Variants in MAP3K3 observed in about 807,000 individuals in gnomAD.
MAP3K3 encodes the protein MAP/ERK kinase kinase 3.
MAP3K3 carries 12 observed loss-of-function variants against 80.9 expected under a neutral mutation model. That is an observed-to-expected ratio of 0.15 (90% CI 0.10 to 0.24). The LOEUF is 0.24. MAP3K3 is among the 10% of genes least tolerant of loss of function. MAP3K3 has a pLI of 1.00. For missense variants in MAP3K3, 596 were observed against 834.7 expected (o/e 0.71, Z 3.52); for synonymous variants, 272 against 307.1 (o/e 0.89, Z 1.19).
At chr17:63,666,755 T>C (rs940136736) in intron 5 of MAP3K3, among the ~76,000 whole-genome samples, 185 bp from the exon 6 acceptor site, 4 of 152,172 alleles carry the variant, frequency 2.6e-5, no homozygotes, top group African/African-American at 9.7e-5. Flanking sequence ...TAAAACTACA[T>C]TGAGCGAATA....
chr17:63,652,134 C>T (rs912925716), intron 3 of MAP3K3, among the ~76,000 whole-genome samples: 1 of 152,126 alleles, frequency 6.6e-6, no homozygotes, highest in East Asian at 1.9e-4. Context: ...AATCCATCAC[C>T]TATATATTAA....
In MAP3K3 at chr17:63,689,851, A is replaced by T; in HGVS notation, c.1063+116A>T. The T allele has an allele frequency of 1.1e-6, 1 of 938,774 alleles. No individual in the cohort carries two copies. The highest frequency in any genetic ancestry group is 1.6e-6 in the Non-Finnish European group (1 of 632,758). The allele number at this position is 938,774 out of a possible 1,614,324, so 58.2% of individuals were successfully genotyped here. ...CTCAGCAGGTGGTGGCTTTGGCCCA[A>T]ATGCACCACATGGGATAAGCCTTGG... On this transcript the variant is annotated intron_variant, in intron 11 of 15. Transcript: ENST00000361733. This position sits in a 1 kb window ranked among gnomAD's most constrained non-coding sequence, Gnocchi z 4.3.
intron 5 of MAP3K3, among the ~76,000 whole-genome samples, chr17:63,661,293 C>T (rs556178192): frequency 5.5e-4 from 84 of 152,294 alleles, no homozygotes; most frequent in Non-Finnish European, 1.0e-3. Flanking sequence ...GTGATCCGCA[C>T]GCCTCAGCTT....
At chr17:63,644,825 G>A (rs1001863752) in intron 2 of MAP3K3, among the ~76,000 whole-genome samples, 9 of 152,240 alleles carry the variant, frequency 5.9e-5, no homozygotes, top group African/African-American at 2.2e-4. Context: ...CCAAGCCACA[G>A]CCTATTAATT....
At position 63,628,722 on chromosome 17, in the gene MAP3K3, G is replaced by A. The variant is rs7212363; in HGVS notation, c.5-3959G>A. Among the ~76,000 whole-genome samples, 379 of 152,136 alleles carry A rather than the reference G, an allele frequency of 2.5e-3. 2 individuals carry two copies. The highest frequency in any genetic ancestry group is 0.01 in the Middle Eastern group (3 of 294). On this transcript the variant is annotated intron_variant, in intron 1 of 15. Transcript: ENST00000361733. ...TGTTGTTTATCTTTTTATCCCTAGA[G>A]TTTGAACACCTTGAAATATCTTTTA...
At position 63,689,218 on chromosome 17, in the gene MAP3K3, T is replaced by C. The variant is rs1229434351; in HGVS notation, c.872-326T>C. ...GTAGGATACAAGGAAATCAGTGCCT[T>C]CGGGTGTGGCTTGGCCTTGCAAGCA... On this transcript the variant is annotated intron_variant, in intron 10 of 15. Transcript: ENST00000361733. This position sits in a 1 kb window ranked among gnomAD's most constrained non-coding sequence, Gnocchi z 4.3. 2 of 528,238 alleles carry C rather than the reference T, an allele frequency of 3.8e-6. No homozygotes were observed. The highest frequency in any genetic ancestry group is 3.4e-6 in the Non-Finnish European group (1 of 296,022). The allele number at this position is 528,238 out of a possible 1,614,324, so 32.7% of individuals were successfully genotyped here. A position where few individuals can be genotyped will look rare whatever the true frequency, so the allele number is the denominator to read the frequency against.
At chr17:63,667,098 A>G in intron 6 of MAP3K3, 38 bp downstream of exon 6, 2 of 1,545,182 alleles carry the variant, frequency 1.3e-6, no homozygotes, top group Non-Finnish European at 1.7e-6. Flanking sequence ...CCTCTATTTT[A>G]TCTGCCCACA....
Position 63,681,816 on chromosome 17 carries a change from C to G in MAP3K3, c.553C>G (p.Arg185Gly). Residue 185 changes from arginine (R) to glycine (G), a missense_variant, in exon 7 of 16, where the codon CGG (arginine) becomes GGG (glycine). Coordinates refer to ENST00000361733, the MANE Select transcript of MAP3K3 (RefSeq NM_002401.5). The part of the protein sequence containing the change: ...SSPPPGYVPE[R>G]QQHIARQGSY... ...ACCTCCCCCTGGCTATGTTCCTGAG[C>G]GGCAGCAGCACATTGCCCGGCAGGG... 1 of 1,548,072 alleles carries G rather than the reference C, an allele frequency of 6.5e-7. No individual in the cohort carries two copies. The highest frequency in any genetic ancestry group is 8.7e-7 in the Non-Finnish European group (1 of 1,143,252).
At chr17:63,661,306 C>T (rs1012485178) in intron 5 of MAP3K3, among the ~76,000 whole-genome samples, 11 of 152,220 alleles carry the variant, frequency 7.2e-5, no homozygotes, top group Non-Finnish European at 1.3e-4. Flanking sequence ...CTCAGCTTCT[C>T]AAAGTGCTGA....
chr17:63,666,868 A>T, intron 5 of MAP3K3, 72 bp from the exon 6 acceptor site: 2 of 1,575,142 alleles, frequency 1.3e-6, no homozygotes, highest in Non-Finnish European at 1.7e-6. Flanking sequence ...GTCCTTAGGA[A>T]AAGGGTGAGA....
intron 3 of MAP3K3, 151 bp from the exon 4 acceptor site, chr17:63,652,405 GA>G (rs1336253745): frequency 4.8e-6 from 3 of 623,408 alleles, no homozygotes; most frequent in East Asian, 2.8e-5. Flanking sequence ...TAGAGAAGAG[GA>G]AAAAAGGAAA....
intron 2 of MAP3K3, among the ~76,000 whole-genome samples, chr17:63,644,965 C>T (rs1192372777): frequency 6.6e-6 from 1 of 152,176 alleles, no homozygotes; most frequent in Non-Finnish European, 1.5e-5. Flanking sequence ...ATATCTCTCT[C>T]CTTTCCCTGT....
chr17:63,624,684 A>C (rs1304571724), intron 1 of MAP3K3, among the ~76,000 whole-genome samples: 2 of 152,236 alleles, frequency 1.3e-5, no homozygotes, highest in Non-Finnish European at 2.9e-5. Flanking sequence ...AGGAACATGC[A>C]AGAGGAATTA....
At chr17:63,659,869 T>C (rs944461637) in intron 5 of MAP3K3, among the ~76,000 whole-genome samples, 2 of 152,054 alleles carry the variant, frequency 1.3e-5, no homozygotes, top group Non-Finnish European at 2.9e-5. Flanking sequence ...AGAAGTGAAA[T>C]GGAAAAATAA....
rs571917215 is a variant in MAP3K3, at chr17:63,656,821, G to A, written c.268-973G>A. On this transcript the variant is annotated intron_variant, in intron 4 of 15. Transcript: ENST00000361733. ...TGTTCTCACGCTGCTGTAAAAAACT[G>A]CCCAAGACTGGGTAATTTATAAAGG... 6.2e-4 allele frequency among the ~76,000 whole-genome samples: 94 copies of A among 152,254 alleles called. 2 individuals carry two copies. Among genetic ancestry groups the A allele is most frequent in the Middle Eastern group, 3.4e-3 (1 of 294 alleles).
Position 63,622,737 on chromosome 17 carries a change from C to T in MAP3K3, c.-23C>T. 1.9e-6 allele frequency: 1 copy of T among 517,222 alleles called. No individual in the cohort carries two copies. The highest frequency in any genetic ancestry group is 3.7e-6 in the Non-Finnish European group (1 of 268,902). 32.0% of individuals were successfully genotyped at this position (517,222 alleles called of 1,614,324 possible). A position where few individuals can be genotyped will look rare whatever the true frequency, so the allele number is the denominator to read the frequency against. On this transcript the variant is annotated 5_prime_UTR_variant, in exon 1 of 16. Transcript: ENST00000361733. The stretch of plus-strand genomic sequence containing the variant: ...CGGAGGTGACACTCACGGACCTTAG[C>T]CACCGCCGCCGCCATCGCCACCATG...
intron 2 of MAP3K3, among the ~76,000 whole-genome samples, chr17:63,640,487 C>T (rs1256792146): frequency 1.3e-5 from 2 of 152,106 alleles, no homozygotes; most frequent in African/African-American, 4.8e-5. Context: ...GTACTACAAA[C>T]TAAAGGGGTA....
intron 4 of MAP3K3, among the ~76,000 whole-genome samples, chr17:63,656,101 A>G (rs1387818077): frequency 6.6e-6 from 1 of 151,932 alleles, no homozygotes; most frequent in Non-Finnish European, 1.5e-5. Flanking sequence ...GTGGTGCCTC[A>G]TGCCTGTAAT....
intron 5 of MAP3K3, among the ~76,000 whole-genome samples, chr17:63,662,734 C>T (rs933675608): frequency 1.3e-5 from 2 of 149,502 alleles, no homozygotes; most frequent in African/African-American, 2.5e-5. Flanking sequence ...CTCAGCTCAC[C>T]GCAGCCTCCA....
Sources: allele counts gnomAD v4.1 joint callset (sites outside exome capture counted in the v4.1 genomes callset), GRCh38; gene constraint gnomAD v4.1.1; non-coding constraint Gnocchi (gnomAD v3.1); transcripts MANE v1.5; gene names NCBI Gene and HGNC (gene_info 2026-07-23, HGNC 2026-07-21).